The following IGF1R variants were observed in gnomAD, a reference collection of about 807,000 sequenced individuals.
The protein encoded by IGF1R is insulin like growth factor 1 receptor, also known as insulin-like growth factor 1 receptor.
A neutral mutation model predicts 144.6 loss-of-function variants in IGF1R; 44 were observed. That is an observed-to-expected ratio of 0.30 (90% confidence interval 0.24 to 0.39). The LOEUF is 0.39. Among genes scored for constraint, IGF1R ranks in the 10% least tolerant of loss-of-function variants. The pLI is 1.00. For missense variants in IGF1R, 1,355 were observed against 1,833.7 expected, an observed-to-expected ratio of 0.74 and a Z score of 4.77; for synonymous variants, 795 against 722.8, an observed-to-expected ratio of 1.10 and a Z score of -1.60.
chr15:98,940,711 G>A (rs570660667), intron 18 of IGF1R, among the ~76,000 whole-genome samples: 1 of 152,342 alleles, frequency 6.6e-6, no homozygotes, highest in African/African-American at 2.4e-5. Context: ...AGCTGAGAAT[G>A]GTTTCTAAAG....
rs1260170411 is a variant in IGF1R, at chr15:98,891,716, G to A, written c.953+79G>A. ...TAGCACACAAAGGTAGACTCTGTCG[G>A]TTGTTTCATCCGGGTGCAGCCCTCA... On this transcript the variant is annotated intron_variant, in intron 3 of 20. Transcript: ENST00000650285. The surrounding 1 kb of genome is among the most constrained non-coding windows in gnomAD (Gnocchi z 4.7). The A allele has an allele frequency of 4.2e-6, 6 of 1,431,814 alleles. No homozygotes were observed. Among genetic ancestry groups the A allele is most frequent in the Non-Finnish European group, 5.8e-6 (6 of 1,041,830 alleles). The allele number at this position is 1,431,814 out of a possible 1,614,324, so 88.7% of individuals were successfully genotyped here. A position where few individuals can be genotyped will look rare whatever the true frequency, so the allele number is the denominator to read the frequency against.
intron 2 of IGF1R, among the ~76,000 whole-genome samples, chr15:98,732,435 G>A (rs1320137774): frequency 6.6e-6 from 1 of 152,200 alleles, no homozygotes; most frequent in Non-Finnish European, 1.5e-5. Flanking sequence ...TTTACAGGCA[G>A]TGACGGTGAA....
At chr15:98,651,924 G>C (rs1049167700) in intron 1 of IGF1R, among the ~76,000 whole-genome samples, 1 of 152,224 alleles carries the variant, frequency 6.6e-6, no homozygotes, top group Non-Finnish European at 1.5e-5. Context: ...CGGGCGTTCA[G>C]TTTTTAGCCG....
At chr15:98,711,006 A>G (rs2053979169) in intron 2 of IGF1R, among the ~76,000 whole-genome samples, 1 of 151,926 alleles carries the variant, frequency 6.6e-6, no homozygotes, top group Non-Finnish European at 1.5e-5. Flanking sequence ...GAAAATTTAA[A>G]ATTACAGATG....
chr15:98,648,871 GGGGCCGGCGC>G lies in IGF1R; in HGVS notation c.-707_-698del, dbSNP rs2052261182. The G allele has an allele frequency of 6.9e-6, 1 of 145,282 alleles. No homozygotes were observed. The highest frequency in any genetic ancestry group is 1.5e-5 in the Non-Finnish European group (1 of 65,310). 9.0% of individuals were successfully genotyped at this position (145,282 alleles called of 1,614,324 possible). Reference sequence around the variant, plus strand: ...GGCGGCGGCGGGCGGGGGCCGGGCGGGGGCCGGCGCGGGGCGGGCGGCGGCGCAGAGCCGG... The same window carrying G: ...GGCGGCGGCGGGCGGGGGCCGGGCGGGGGGCGGGCGGCGGCGCAGAGCCGG... On this transcript the variant is annotated 5_prime_UTR_variant, in exon 1 of 21. Transcript: ENST00000650285.
At position 98,937,145 on chromosome 15, in the gene IGF1R, C is replaced by G. The variant is rs1028660461; in HGVS notation, c.3297+1719C>G. On this transcript the variant is annotated intron_variant, in intron 17 of 20. Coordinates refer to ENST00000650285, the MANE Select transcript of IGF1R (RefSeq NM_000875.5). ...AGGTGATCCACCCACCTCAGCCTCCCAAAGTGCTGGGATTACAGGTGTGAG... is the reference window on the plus strand; with the variant it reads ...AGGTGATCCACCCACCTCAGCCTCCGAAAGTGCTGGGATTACAGGTGTGAG... Among the ~76,000 whole-genome samples the G allele has an allele frequency of 3.3e-5, 5 of 152,196 alleles. 1 individual carries two copies. The highest frequency in any genetic ancestry group is 7.3e-5 in the Non-Finnish European group (5 of 68,048).
At chr15:98,875,015 T>C (rs2012983075) in intron 2 of IGF1R, among the ~76,000 whole-genome samples, 1 of 152,268 alleles carries the variant, frequency 6.6e-6, no homozygotes, top group Admixed American at 6.5e-5. Flanking sequence ...TTTTTGTCAC[T>C]TGCCAGTACT....
chr15:98,896,153 C>T (rs2014183796), intron 3 of IGF1R, among the ~76,000 whole-genome samples: 1 of 152,188 alleles, frequency 6.6e-6, no homozygotes. Flanking sequence ...GATCAATTTA[C>T]AAGTTTCTGC....
intron 2 of IGF1R, among the ~76,000 whole-genome samples, chr15:98,739,757 A>G (rs2054695348): frequency 6.6e-6 from 1 of 152,144 alleles, no homozygotes; most frequent in African/African-American, 2.4e-5. Context: ...ACATGTGGCT[A>G]ATTTTCATAT....
At chr15:98,909,262 T>A (rs200846632) in intron 6 of IGF1R, among the ~76,000 whole-genome samples, 2 of 104,008 alleles carry the variant, frequency 1.9e-5, no homozygotes, top group African/African-American at 9.8e-5. Flanking sequence ...TTTTTTTTTC[T>A]TTTTTTTTTT....
intron 13 of IGF1R, among the ~76,000 whole-genome samples, chr15:98,928,191 G>T (rs1289970751): frequency 1.3e-5 from 2 of 152,138 alleles, no homozygotes; most frequent in Non-Finnish European, 2.9e-5. Context: ...TCGCCTTGGG[G>T]GGATGGTATG....
chr15:98,804,453 TTTTG>T (rs2056429253), intron 2 of IGF1R, among the ~76,000 whole-genome samples: 2 of 141,152 alleles, frequency 1.4e-5, no homozygotes, highest in African/African-American at 6.4e-5. Flanking sequence ...AACACATGAC[TTTTG>T]TTTTTGTTTT....
chr15:98,731,823 T>C (rs59265496), intron 2 of IGF1R, among the ~76,000 whole-genome samples: 2,203 of 152,006 alleles, frequency 0.014, 53 homozygotes, highest in African/African-American at 0.049. Context: ...CATTGGAAAA[T>C]GTGGTTAGCA....
intron 2 of IGF1R, among the ~76,000 whole-genome samples, chr15:98,764,624 A>G (rs959333046): frequency 6.6e-6 from 1 of 152,236 alleles, no homozygotes; most frequent in Non-Finnish European, 1.5e-5. Flanking sequence ...TATTAAACCA[A>G]TTTAAACAAT....
At chr15:98,870,273 C>T (rs1159673519) in intron 2 of IGF1R, among the ~76,000 whole-genome samples, 1 of 152,240 alleles carries the variant, frequency 6.6e-6, no homozygotes, top group Non-Finnish European at 1.5e-5. Context: ...CTCTCTTCCA[C>T]CTAGGCCCTG....
intron 7 of IGF1R, among the ~76,000 whole-genome samples, chr15:98,912,461 G>A (rs1172971983): frequency 6.6e-6 from 1 of 152,214 alleles, no homozygotes; most frequent in Non-Finnish European, 1.5e-5. Flanking sequence ...ACCCAACCAT[G>A]CATCTGTGCG....
At chr15:98,871,399 G>A (rs959661862) in intron 2 of IGF1R, among the ~76,000 whole-genome samples, 1 of 152,154 alleles carries the variant, frequency 6.6e-6, no homozygotes, top group Non-Finnish European at 1.5e-5. Flanking sequence ...TAATAACAAG[G>A]GACTTGCTTC....
chr15:98,681,061 A>G (rs1003992343), intron 1 of IGF1R, among the ~76,000 whole-genome samples: 1 of 152,090 alleles, frequency 6.6e-6, no homozygotes, highest in Non-Finnish European at 1.5e-5. Context: ...AGTAGGCTAT[A>G]CCATTGAGGT....
intron 2 of IGF1R, among the ~76,000 whole-genome samples, chr15:98,774,082 G>T (rs1282732006): frequency 3.3e-5 from 5 of 152,196 alleles, no homozygotes; most frequent in Non-Finnish European, 7.3e-5. Context: ...AATAGCTGAA[G>T]AACTATGCTG....
Sources: allele counts gnomAD v4.1 joint callset (sites outside exome capture counted in the v4.1 genomes callset), GRCh38; gene constraint gnomAD v4.1.1; non-coding constraint Gnocchi (gnomAD v3.1); transcripts MANE v1.5; gene names NCBI Gene and HGNC (gene_info 2026-07-23, HGNC 2026-07-21).